The following TRPM3 variants were observed in gnomAD, a reference collection of about 807,000 sequenced individuals.
The protein encoded by TRPM3 is long transient receptor potential channel 3.
In TRPM3, 77 loss-of-function variants were observed where a neutral mutation model predicts 181.2. The ratio of observed to expected loss-of-function variants is 0.42; its 90% CI spans 0.35 to 0.51. The LOEUF is 0.51. Among genes scored for constraint, TRPM3 ranks in the 20% least tolerant of loss-of-function variants. TRPM3 has a pLI of 0.01. For synonymous variants in TRPM3, 745 were observed against 796.4 expected (o/e 0.94, Z 1.09); for missense variants, 1,759 against 2,196.7 (o/e 0.80, Z 3.98).
chr9:70,844,350 G>A (rs539226492), intron 4 of TRPM3, among the ~76,000 whole-genome samples: 5 of 152,244 alleles, frequency 3.3e-5, no homozygotes, highest in Admixed American at 1.3e-4. Flanking sequence ...TAATCATGTT[G>A]AGCTATTCAA....
intron 6 of TRPM3, among the ~76,000 whole-genome samples, chr9:70,809,476 C>A (rs2091437007): frequency 6.6e-6 from 1 of 152,076 alleles, no homozygotes; most frequent in Non-Finnish European, 1.5e-5. Flanking sequence ...TTTATTGTGT[C>A]TTTTCTATGT....
intron 19 of TRPM3, among the ~76,000 whole-genome samples, chr9:70,605,016 G>A (rs1006319555): frequency 2.0e-4 from 30 of 150,140 alleles, no homozygotes; most frequent in African/African-American, 7.4e-4. Flanking sequence ...GAGTGCAGTG[G>A]TGCGATCTCG....
At chr9:71,062,131 T>C (rs2061403335) in intron 1 of TRPM3, among the ~76,000 whole-genome samples, 1 of 152,008 alleles carries the variant, frequency 6.6e-6, no homozygotes, top group South Asian at 2.1e-4. Flanking sequence ...TTTAAAGATA[T>C]ATAGCAACTT....
rs187389851 is a variant in TRPM3 at position 71,241,502 on chromosome 9, G to T, written c.183+205151C>A. ...CACACACCGGGGCCTGCCGTGGGGT[G>T]GGGGGAGGGGGGAGGGATAGCATTA... is the stretch of plus-strand genomic sequence containing the variant. On this transcript the variant is annotated intron_variant, in intron 1 of 24. Coordinates refer to the TRPM3 transcript ENST00000357533. Among the ~76,000 whole-genome samples, 318 of 137,308 alleles carry T rather than the reference G, an allele frequency of 2.3e-3. 1 individual carries two copies. The East Asian group carries it at 0.025, about 11-fold the overall frequency. The allele number at this position is 137,308 out of a possible 152,430, so 90.1% of individuals were successfully genotyped here.
intron 1 of TRPM3, among the ~76,000 whole-genome samples, chr9:71,313,027 A>C (rs1197195696): frequency 6.6e-6 from 1 of 152,126 alleles, no homozygotes; most frequent in Non-Finnish European, 1.5e-5. Flanking sequence ...CCAAGAGTGA[A>C]CCCTAATATA....
At chr9:71,326,433 T>G (rs924878402) in intron 1 of TRPM3, among the ~76,000 whole-genome samples, 1 of 152,080 alleles carries the variant, frequency 6.6e-6, no homozygotes, top group Non-Finnish European at 1.5e-5. Context: ...TTTGTATGTA[T>G]GTATGTATTT....
chr9:70,580,959 A>G (rs2055487959), intron 22 of TRPM3, among the ~76,000 whole-genome samples: 1 of 152,094 alleles, frequency 6.6e-6, no homozygotes, highest in African/African-American at 2.4e-5. Flanking sequence ...TGTCTTTTTA[A>G]CTCCCATCTC....
chr9:70,646,796 TAAAG>T (rs1346264281), intron 9 of TRPM3, among the ~76,000 whole-genome samples: 1 of 115,650 alleles, frequency 8.6e-6, no homozygotes, highest in Non-Finnish European at 1.8e-5. Flanking sequence ...GCTAGACTAA[TAAAG>T]AAAAAAGAGA....
chr9:71,314,905 G>C (rs2088405686), intron 1 of TRPM3, among the ~76,000 whole-genome samples: 1 of 151,878 alleles, frequency 6.6e-6, no homozygotes, highest in Admixed American at 6.6e-5. Context: ...GAGGCAGCGT[G>C]GAAGAGATAA....
chr9:70,957,791 T>G (rs1438112823), intron 1 of TRPM3, among the ~76,000 whole-genome samples: 1 of 152,178 alleles, frequency 6.6e-6, no homozygotes, highest in African/African-American at 2.4e-5. Flanking sequence ...ACTTAACAGT[T>G]AGGAAACAGA....
chr9:70,813,546 T>C (rs2092360352), intron 6 of TRPM3, among the ~76,000 whole-genome samples: 3 of 152,178 alleles, frequency 2.0e-5, no homozygotes. Flanking sequence ...ATCTTCCTAT[T>C]GAGTACTGTG....
intron 5 of TRPM3, among the ~76,000 whole-genome samples, chr9:70,839,566 C>A (rs1165378317): frequency 6.6e-6 from 1 of 152,082 alleles, no homozygotes; most frequent in Non-Finnish European, 1.5e-5. Flanking sequence ...GCCAGCCCCA[C>A]AAAAATAACA....
At chr9:70,622,788 C>T (rs113060903) in intron 14 of TRPM3, among the ~76,000 whole-genome samples, 41 of 152,296 alleles carry the variant, frequency 2.7e-4, no homozygotes, top group African/African-American at 9.4e-4. Context: ...ACAGCACTTA[C>T]AGTTCCTCCA....
At position 70,857,211 on chromosome 9, in the gene TRPM3, G is replaced by A. The variant is rs141875578; in HGVS notation, c.462+5697C>T. On this transcript the variant is annotated intron_variant, in intron 3 of 25. Coordinates refer to ENST00000677713, the MANE Select transcript of TRPM3 (RefSeq NM_001366145.2). ...TCTGGTTGTTCGGGAATAGCTTACC[G>A]GGGCTTGCAATTTGGTAGGATGTGG... 5.6e-4 allele frequency among the ~76,000 whole-genome samples: 85 copies of A among 152,160 alleles called. No homozygotes were observed. In the East Asian group the frequency reaches 5.8e-3, roughly 10 times the overall value.
intron 1 of TRPM3, among the ~76,000 whole-genome samples, chr9:71,362,186 C>T (rs2132732207): frequency 6.6e-6 from 1 of 152,316 alleles, no homozygotes; most frequent in East Asian, 1.9e-4. Flanking sequence ...TCCCCTATCC[C>T]CAGTCTGTCT....
chr9:70,831,656 C>T (rs1231011357), intron 5 of TRPM3, among the ~76,000 whole-genome samples: 1 of 151,396 alleles, frequency 6.6e-6, no homozygotes, highest in Non-Finnish European at 1.5e-5. Flanking sequence ...AGATAAGAAA[C>T]CTGAGTTGAG....
intron 6 of TRPM3, among the ~76,000 whole-genome samples, chr9:70,821,563 T>C (rs2093171851): frequency 6.6e-6 from 1 of 152,210 alleles, no homozygotes. Flanking sequence ...TATATAAATA[T>C]CTGAACAGTA....
chr9:70,586,484 C>T (rs1480917299), intron 22 of TRPM3, among the ~76,000 whole-genome samples: 7 of 152,200 alleles, frequency 4.6e-5, no homozygotes, highest in Admixed American at 1.3e-4. Flanking sequence ...TTCTCTATAA[C>T]GTGAGCTGGC....
intron 18 of TRPM3, among the ~76,000 whole-genome samples, chr9:70,611,914 T>A (rs560554809): frequency 6.6e-6 from 1 of 152,234 alleles, no homozygotes; most frequent in Admixed American, 6.5e-5. Flanking sequence ...TGAGAAAGAG[T>A]TCCAGGCCCT....
Sources: gnomAD v4.1 joint callset for allele counts (sites outside exome capture counted in the v4.1 genomes callset) on GRCh38, gnomAD v4.1.1 for gene constraint, MANE v1.5 for transcripts, NCBI Gene and HGNC (gene_info 2026-07-23, HGNC 2026-07-21) for gene names.